SEMA6A: variants seen among roughly 807,000 people sequenced by gnomAD.
SEMA6A encodes semaphorin 6A, also known as semaphorin-6A.
In SEMA6A, 25 loss-of-function variants were observed where a neutral mutation model predicts 96.8. That is an observed-to-expected ratio of 0.26 (90% CI 0.19 to 0.36). The LOEUF (loss-of-function observed/expected upper bound fraction) is 0.36. SEMA6A is among the 10% of genes least tolerant of loss of function. The pLI is 1.00. For missense variants in SEMA6A, 1,363 were observed against 1,323.1 expected, an observed-to-expected ratio of 1.03 and a Z score of -0.47; for synonymous variants, 612 against 518.0, an observed-to-expected ratio of 1.18 and a Z score of -2.46.
At chr5:116,469,388 T>C (rs992086075) in intron 17 of SEMA6A, 1 of 152,178 alleles carries the variant, frequency 6.6e-6, no homozygotes, top group Middle Eastern at 3.2e-3. Context: ...GCCTGAGAAA[T>C]GGAAATATAG....
At chr5:116,537,596 G>C (rs902324523) in intron 1 of SEMA6A, among the ~76,000 whole-genome samples, 3 of 152,170 alleles carry the variant, frequency 2.0e-5, no homozygotes, top group African/African-American at 7.2e-5. Context: ...CCCAAATGGA[G>C]ATAAAGTAAC....
chr5:116,492,886 G>A (rs1029016887), intron 6 of SEMA6A, among the ~76,000 whole-genome samples: 1 of 152,174 alleles, frequency 6.6e-6, no homozygotes, highest in Non-Finnish European at 1.5e-5. Flanking sequence ...AAGCACTTAA[G>A]ACAGAAGCTG....
At chr5:116,531,946 T>C (rs1263524143) in intron 1 of SEMA6A, among the ~76,000 whole-genome samples, 4 of 152,132 alleles carry the variant, frequency 2.6e-5, no homozygotes, top group African/African-American at 9.7e-5. Context: ...TGGAATTAGC[T>C]GAGACTGTGC....
intron 1 of SEMA6A, among the ~76,000 whole-genome samples, chr5:116,514,875 A>C (rs911951558): frequency 5.3e-5 from 8 of 152,228 alleles, no homozygotes; most frequent in Non-Finnish European, 8.8e-5. Context: ...GGACCTCACT[A>C]TTCAGTGGAT....
chr5:116,477,812 C>G (rs1275650075), intron 15 of SEMA6A, 34 bp downstream of exon 15: 1 of 1,606,632 alleles, frequency 6.2e-7, no homozygotes, highest in Non-Finnish European at 8.5e-7. Context: ...GGCTGGAAGC[C>G]ACTTCACCCT....
At chr5:116,535,203 T>G (rs1292638986) in intron 1 of SEMA6A, among the ~76,000 whole-genome samples, 3 of 150,932 alleles carry the variant, frequency 2.0e-5, no homozygotes, top group African/African-American at 7.3e-5. Context: ...GGAAGTGGAG[T>G]GATGGTGGGG....
intron 1 of SEMA6A, among the ~76,000 whole-genome samples, chr5:116,521,992 G>T (rs1758972153): frequency 6.6e-6 from 1 of 152,182 alleles, no homozygotes; most frequent in Admixed American, 6.5e-5. Context: ...GATCCAAATA[G>T]CTTTGGGTAT....
At chr5:116,569,950 T>G (rs1761143617) in intron 1 of SEMA6A, among the ~76,000 whole-genome samples, 1 of 152,068 alleles carries the variant, frequency 6.6e-6, no homozygotes, top group Non-Finnish European at 1.5e-5. Context: ...GCTGAAGAGG[T>G]TATTTGGGAA....
At chr5:116,467,859 T>C in intron 17 of SEMA6A, 112 bp from the exon 18 acceptor site, 2 of 1,020,014 alleles carry the variant, frequency 2.0e-6, no homozygotes, top group Non-Finnish European at 2.8e-6. Flanking sequence ...TGAGAGGAGA[T>C]GGCCCTAGAA....
intron 1 of SEMA6A, among the ~76,000 whole-genome samples, chr5:116,559,077 A>T (rs999391027): frequency 4.6e-5 from 7 of 152,324 alleles, no homozygotes; most frequent in Middle Eastern, 3.4e-3. Context: ...GTTTTTATAG[A>T]TGCAATGAAT....
rs1754028964 is a variant in SEMA6A at position 116,443,704 on chromosome 5, A to G, written c.*2909T>C. 6.6e-6 allele frequency: 1 copy of G among 152,484 alleles called. No individual in the cohort carries two copies. Among genetic ancestry groups the G allele is most frequent in the Non-Finnish European group, 1.5e-5 (1 of 68,024 alleles). 9.4% of individuals were successfully genotyped at this position (152,484 alleles called of 1,614,324 possible). A position where few individuals can be genotyped will look rare whatever the true frequency, so the allele number is the denominator to read the frequency against. Reference sequence around the variant, plus strand: ...TGTTAGGGGATGTGGAGATGGAAGGAAAATTGGTGACATCACAATATTTTT... The same window carrying G: ...TGTTAGGGGATGTGGAGATGGAAGGGAAATTGGTGACATCACAATATTTTT... On this transcript the variant is annotated 3_prime_UTR_variant, in exon 19 of 19. Transcript: ENST00000343348.
intron 1 of SEMA6A, among the ~76,000 whole-genome samples, chr5:116,573,102 G>A (rs1298532897): frequency 1.3e-5 from 2 of 152,050 alleles, no homozygotes; most frequent in African/African-American, 2.4e-5. Context: ...GAGGAGCTGA[G>A]CAAAACGCGG....
chr5:116,455,792 A>G (rs1490514985), intron 18 of SEMA6A, among the ~76,000 whole-genome samples: 1 of 152,174 alleles, frequency 6.6e-6, no homozygotes, highest in Non-Finnish European at 1.5e-5. Flanking sequence ...TTAAGAACAT[A>G]CACTTTGAGC....
intron 17 of SEMA6A, chr5:116,471,482 A>G (rs1756141347): frequency 6.6e-6 from 1 of 152,220 alleles, no homozygotes; most frequent in South Asian, 2.1e-4. Flanking sequence ...ATTATAGGAA[A>G]TGATCGCAAA....
chr5:116,492,327 C>T (rs990711179), intron 6 of SEMA6A: 2 of 151,702 alleles, frequency 1.3e-5, no homozygotes, highest in African/African-American at 4.9e-5. Flanking sequence ...GTGGCTATAC[C>T]TATAGCTGGT....
intron 9 of SEMA6A, 36 bp from the exon 10 acceptor site, chr5:116,487,002 A>G (rs754499757): frequency 3.4e-6 from 5 of 1,483,134 alleles, no homozygotes; most frequent in Non-Finnish European, 4.7e-6. Context: ...AATTAAATGC[A>G]TTCATTTTGC....
chr5:116,480,148 C>T lies in SEMA6A; in HGVS notation c.1224G>A (p.Arg408=), dbSNP rs770050544. The T allele has an allele frequency of 4.3e-6, 7 of 1,613,758 alleles. No individual in the cohort carries two copies. In the East Asian group the frequency reaches 8.9e-5, roughly 21 times the overall value. The change falls in exon 12 of 19, where the codon AGG becomes AGA. Residue 408 remains arginine (R), a synonymous_variant. Transcript: ENST00000343348. The part of the protein sequence containing the change: ...MDEAVPSIFN[R]PWFLRTMVRY... ...TGACCATTGTTCTCAGGAACCATGG[C>T]CTGTTGAAGATGGAGGGCACTGCCT...
intron 18 of SEMA6A, among the ~76,000 whole-genome samples, chr5:116,452,421 G>GTT (rs59419584): frequency 0.031 from 4,365 of 140,936 alleles, 228 homozygotes; most frequent in African/African-American, 0.11. Context: ...AATCTCCACT[G>GTT]TTTTTTTTTT....
intron 12 of SEMA6A, among the ~76,000 whole-genome samples, chr5:116,479,149 C>T (rs1257099705): frequency 6.6e-6 from 1 of 152,214 alleles, no homozygotes; most frequent in Admixed American, 6.5e-5. Context: ...CTCTGAGATA[C>T]AAGGCCTTCA....
Sources: allele counts gnomAD v4.1 joint callset (sites outside exome capture counted in the v4.1 genomes callset), GRCh38; gene constraint gnomAD v4.1.1; transcripts MANE v1.5; gene names NCBI Gene and HGNC (gene_info 2026-07-23, HGNC 2026-07-21).